ZFHX3: variants seen among roughly 807,000 people sequenced by gnomAD.
ZFHX3 encodes zinc finger homeobox 3, also known as zinc finger homeobox protein 3.
Under a neutral mutation model 279.1 loss-of-function variants are expected in ZFHX3, and 42 were observed. The observed-to-expected ratio is 0.15, with a 90% CI of 0.12 to 0.19. ZFHX3 has a LOEUF of 0.19. Ranked by LOEUF, ZFHX3 falls within the 10% of genes least tolerant of loss-of-function variation. The pLI is 1.00. For synonymous variants in ZFHX3, 2,293 were observed against 1,957.8 expected, an observed-to-expected ratio of 1.17 and a Z score of -4.52; for missense variants, 4,981 against 4,754.0, an observed-to-expected ratio of 1.05 and a Z score of -1.40.
chr16:73,868,759 GTTTCTTTC>G (rs769869549), intron 1 of ZFHX3, among the ~76,000 whole-genome samples: 3 of 151,350 alleles, frequency 2.0e-5, no homozygotes, highest in Admixed American at 6.6e-5. Flanking sequence ...ACACTGAAGG[GTTTCTTTC>G]TTTCTTTCTT....
At chr16:73,433,736 A>T (rs897036778) in intron 3 of ZFHX3, among the ~76,000 whole-genome samples, 2 of 152,118 alleles carry the variant, frequency 1.3e-5, no homozygotes, top group Non-Finnish European at 2.9e-5. Flanking sequence ...ACTGGCAATG[A>T]TGCTTCTGGA....
intron 2 of ZFHX3, among the ~76,000 whole-genome samples, chr16:73,605,701 G>T (rs538354002): frequency 4.5e-4 from 68 of 151,598 alleles, no homozygotes; most frequent in African/African-American, 1.5e-3. Flanking sequence ...GAACTGGGGG[G>T]CTGGAGAGAA....
In ZFHX3 at chr16:73,467,167, C is replaced by G. The variant is rs2018588257; in HGVS notation, c.-1546-10909G>C. 2.6e-5 allele frequency among the ~76,000 whole-genome samples: 4 copies of G among 152,240 alleles called. No individual in the cohort carries two copies. In the South Asian group the frequency reaches 8.3e-4, roughly 32 times the overall value. On this transcript the variant is annotated intron_variant, in intron 2 of 17. Coordinates refer to the ZFHX3 transcript ENST00000641206. ...AAGAAGTCATAAAAATGGGATGAAT[C>G]AGGAGTCAGGAAAAGAGAGGGAGAC... is the stretch of plus-strand genomic sequence containing the variant.
At chr16:72,970,486 G>C (rs945237478) in intron 1 of ZFHX3, among the ~76,000 whole-genome samples, 1 of 152,038 alleles carries the variant, frequency 6.6e-6, no homozygotes, top group East Asian at 1.9e-4. Context: ...GGCTTGACTG[G>C]TGCTCCTGAC....
At position 73,763,980 on chromosome 16, in the gene ZFHX3, C is replaced by T. The variant is rs564195220; in HGVS notation, c.-1607-83740G>A. On this transcript the variant is annotated intron_variant, in intron 1 of 17. Transcript: ENST00000641206. Reference sequence around the variant, plus strand: ...CCCTAGTAGATCCTCCAAATAAGAACACAGCCCAACCAACACCTTGATCTC... The same window carrying T: ...CCCTAGTAGATCCTCCAAATAAGAATACAGCCCAACCAACACCTTGATCTC... 2.5e-4 allele frequency among the ~76,000 whole-genome samples: 38 copies of T among 152,284 alleles called. 2 individuals are homozygous for T. The South Asian group carries it at 7.7e-3, about 31-fold the overall frequency.
At position 72,795,850 on chromosome 16, in the gene ZFHX3, A is replaced by G; in HGVS notation, c.6832T>C (p.Leu2278=). The change falls in exon 9 of 10, where the codon TTA becomes CTA. Residue 2278 remains leucine (L), a synonymous_variant. Transcript: ENST00000268489. ...ATCACTCGGGTTGGAAGGTTCAGTA[A>G]ATTAGAGAGTTGCTCAAATTCATCA... The part of the protein sequence containing the change: ...KDDEFEQLSN[L]LNLPTRVIVV... 1 of 1,614,142 alleles carries G rather than the reference A, an allele frequency of 6.2e-7. No individual in the cohort carries two copies. The highest frequency in any genetic ancestry group is 8.5e-7 in the Non-Finnish European group (1 of 1,180,032).
chr16:73,099,710 C>CAAAAA (rs756694525), intron 7 of ZFHX3, among the ~76,000 whole-genome samples: 1 of 90,942 alleles, frequency 1.1e-5, no homozygotes, highest in African/African-American at 4.0e-5. Context: ...GACTCCATCT[C>CAAAAA]AAAAAAAAAA....
At chr16:73,527,119 T>C (rs1176651125) in intron 2 of ZFHX3, among the ~76,000 whole-genome samples, 1 of 152,146 alleles carries the variant, frequency 6.6e-6, no homozygotes, top group Non-Finnish European at 1.5e-5. Flanking sequence ...AATCTTGCCA[T>C]CTCAGGCAGC....
chr16:73,754,812 A>G (rs1297500107), intron 1 of ZFHX3, among the ~76,000 whole-genome samples: 7 of 152,172 alleles, frequency 4.6e-5, no homozygotes, highest in African/African-American at 1.4e-4. Context: ...CACAATATAT[A>G]TAAAAGAAGG....
chr16:73,882,384 A>G (rs2030197278), intron 1 of ZFHX3, among the ~76,000 whole-genome samples: 1 of 152,162 alleles, frequency 6.6e-6, no homozygotes, highest in Admixed American at 6.5e-5. Context: ...AGCTAAAAGT[A>G]AAGAACTAAA....
chr16:72,945,460 C>G (rs766135218), intron 3 of ZFHX3, among the ~76,000 whole-genome samples: 1 of 152,150 alleles, frequency 6.6e-6, no homozygotes, highest in Non-Finnish European at 1.5e-5. Flanking sequence ...CCCACCAGCA[C>G]CAACCATCAA....
intron 1 of ZFHX3, among the ~76,000 whole-genome samples, chr16:73,006,440 T>G (rs1040748274): frequency 6.6e-6 from 1 of 151,814 alleles, no homozygotes; most frequent in Non-Finnish European, 1.5e-5. Flanking sequence ...CTGGACAACA[T>G]AGTGAGACCC....
chr16:73,486,834 G>A, intron 2 of ZFHX3: 1 of 455,960 alleles, frequency 2.2e-6, no homozygotes, highest in Non-Finnish European at 4.4e-6. Flanking sequence ...CTGCACTTTA[G>A]GGTCTCAGGC....
rs73603563 is a variant in ZFHX3, at chr16:73,863,664, C to G, written c.-1608+27987G>C. Among the ~76,000 whole-genome samples the G allele has an allele frequency of 6.0e-3, 919 of 152,252 alleles. 10 individuals carry two copies. The highest frequency in any genetic ancestry group is 0.021 in the African/African-American group (871 of 41,540). Reference sequence around the variant, plus strand: ...AACATAGATCAGTTTCTATATCATACGATGGTCATGTGTGCATATACCTTA... The same window carrying G: ...AACATAGATCAGTTTCTATATCATAGGATGGTCATGTGTGCATATACCTTA... On this transcript the variant is annotated intron_variant, in intron 1 of 17. Coordinates refer to the ZFHX3 transcript ENST00000641206.
At chr16:73,186,508 G>A (rs1967911306) in intron 5 of ZFHX3, among the ~76,000 whole-genome samples, 1 of 150,882 alleles carries the variant, frequency 6.6e-6, no homozygotes, top group Non-Finnish European at 1.5e-5. Flanking sequence ...AGGTACTCAA[G>A]AAACACTTTG....
intron 7 of ZFHX3, among the ~76,000 whole-genome samples, chr16:73,100,018 C>A (rs1283614591): frequency 6.6e-6 from 1 of 152,146 alleles, no homozygotes; most frequent in Non-Finnish European, 1.5e-5. Context: ...CAGCCCATTA[C>A]ACATGAGGAC....
intron 1 of ZFHX3, among the ~76,000 whole-genome samples, chr16:73,887,554 C>T (rs143837326): frequency 2.6e-5 from 4 of 151,696 alleles, no homozygotes; most frequent in Non-Finnish European, 4.4e-5. Context: ...AACTACACCA[C>T]GGCAACAACA....
chr16:72,862,569 TA>T (rs2037914024), intron 4 of ZFHX3, among the ~76,000 whole-genome samples: 1 of 152,158 alleles, frequency 6.6e-6, no homozygotes, highest in African/African-American at 2.4e-5. Context: ...CAATGGCTAA[TA>T]ACATCACAAA....
chr16:73,530,457 C>T (rs1225854383), intron 2 of ZFHX3, among the ~76,000 whole-genome samples: 4 of 152,178 alleles, frequency 2.6e-5, no homozygotes, highest in Non-Finnish European at 5.9e-5. Flanking sequence ...GTCTGATAAA[C>T]TACTTCTCTC....
Sources: gnomAD v4.1 joint callset for allele counts (sites outside exome capture counted in the v4.1 genomes callset) on GRCh38, gnomAD v4.1.1 for gene constraint, MANE v1.5 for transcripts, NCBI Gene and HGNC (gene_info 2026-07-23, HGNC 2026-07-21) for gene names.